Variants in COG5 observed in about 807,000 individuals in gnomAD.
The protein encoded by COG5 is component of oligomeric golgi complex 5.
COG5 carries 86 observed loss-of-function variants against 110.4 expected under a neutral mutation model. The observed-to-expected ratio is 0.78, with a 90% CI of 0.65 to 0.93. The LOEUF is 0.93. Ranked by LOEUF, COG5 falls within the 40% of genes least tolerant of loss-of-function variation. COG5 has a pLI of 0.00. For missense variants in COG5, 1,077 were observed against 987.0 expected (o/e 1.09, Z -1.22); for synonymous variants, 360 against 334.6 (o/e 1.08, Z -0.83).
chr7:107,336,562 T>C (rs759857855), intron 10 of COG5, among the ~76,000 whole-genome samples: 4 of 152,202 alleles, frequency 2.6e-5, no homozygotes, highest in Non-Finnish European at 5.9e-5. Context: ...AAATAAAATA[T>C]ATACTTAAGG....
intron 17 of COG5, among the ~76,000 whole-genome samples, chr7:107,240,339 C>G (rs1259148010): frequency 6.6e-6 from 1 of 152,136 alleles, no homozygotes; most frequent in East Asian, 1.9e-4. Context: ...ACTCAGCCTC[C>G]CCAGTAGCTT....
intron 13 of COG5, 124 bp downstream of exon 13, chr7:107,283,445 CTT>C: frequency 1.3e-6 from 1 of 782,872 alleles, no homozygotes; most frequent in South Asian, 1.8e-5. Context: ...CTATAAAATT[CTT>C]AATTTAATTG....
At chr7:107,274,040 C>G (rs1410022977) in intron 14 of COG5, among the ~76,000 whole-genome samples, 1 of 152,152 alleles carries the variant, frequency 6.6e-6, no homozygotes, top group Non-Finnish European at 1.5e-5. Flanking sequence ...ATGAATTTCT[C>G]TCTTCTTTGG....
At chr7:107,330,778 G>A (rs896820254) in intron 10 of COG5, among the ~76,000 whole-genome samples, 1 of 151,470 alleles carries the variant, frequency 6.6e-6, no homozygotes, top group Admixed American at 6.6e-5. Flanking sequence ...TATTTTCATG[G>A]GATTTATTTT....
At chr7:107,514,340 A>G (rs1418450811) in intron 6 of COG5, among the ~76,000 whole-genome samples, 2 of 116,916 alleles carry the variant, frequency 1.7e-5, no homozygotes, top group Non-Finnish European at 3.0e-5. Flanking sequence ...ACACACACAC[A>G]CACACACACA....
At chr7:107,507,286 C>CCTTTT (rs1287185120) in intron 6 of COG5, among the ~76,000 whole-genome samples, 8 of 148,002 alleles carry the variant, frequency 5.4e-5, no homozygotes, top group African/African-American at 2.0e-4. Context: ...AATAAAACTT[C>CCTTTT]CTTTTCTTTT....
intron 21 of COG5, chr7:107,208,738 G>A (rs10248340): frequency 6.1e-6 from 6 of 985,192 alleles, no homozygotes; most frequent in Admixed American, 6.1e-5. Flanking sequence ...AGCAGGGTCC[G>A]AGCTAATCTT....
At chr7:107,344,359 A>C (rs1203272735) in intron 10 of COG5, among the ~76,000 whole-genome samples, 1 of 152,228 alleles carries the variant, frequency 6.6e-6, no homozygotes, top group Non-Finnish European at 1.5e-5. Flanking sequence ...GCTAGCTTCC[A>C]ACAAGAAAAT....
At chr7:107,371,744 A>G (rs964547279) in intron 8 of COG5, among the ~76,000 whole-genome samples, 1 of 152,206 alleles carries the variant, frequency 6.6e-6, no homozygotes, top group Non-Finnish European at 1.5e-5. Context: ...ACTATATGTG[A>G]AGGGAAAGAG....
chr7:107,548,075 A>G (rs1230590806), intron 5 of COG5, 36 bp downstream of exon 5: 1 of 1,549,590 alleles, frequency 6.5e-7, no homozygotes, highest in South Asian at 1.1e-5. Flanking sequence ...AACAAAATGA[A>G]TAATAAAGTA....
chr7:107,338,948 C>T (rs1403307340), intron 10 of COG5, among the ~76,000 whole-genome samples: 2 of 152,084 alleles, frequency 1.3e-5, no homozygotes. Flanking sequence ...CCAACACATC[C>T]TACAAATCAT....
At chr7:107,213,378 T>A (rs1345276809) in intron 19 of COG5, among the ~76,000 whole-genome samples, 1 of 152,156 alleles carries the variant, frequency 6.6e-6, no homozygotes, top group Non-Finnish European at 1.5e-5. Context: ...CCACCTAGTG[T>A]CAGAGCCCAT....
intron 5 of COG5, among the ~76,000 whole-genome samples, chr7:107,530,492 T>C (rs1801117619): frequency 6.6e-6 from 1 of 150,710 alleles, no homozygotes; most frequent in South Asian, 2.1e-4. Flanking sequence ...TCCCAACTAC[T>C]TGGGAGGCTG....
At chr7:107,371,817 T>C (rs1235878566) in intron 8 of COG5, among the ~76,000 whole-genome samples, 1 of 152,194 alleles carries the variant, frequency 6.6e-6, no homozygotes, top group Non-Finnish European at 1.5e-5. Context: ...CAATACCTTG[T>C]AGTGATGGGA....
At chr7:107,443,339 G>A (rs962629284) in intron 6 of COG5, among the ~76,000 whole-genome samples, 1 of 152,130 alleles carries the variant, frequency 6.6e-6, no homozygotes, top group Non-Finnish European at 1.5e-5. Context: ...TAGAATATTA[G>A]TTGCCTAGGA....
intron 7 of COG5, among the ~76,000 whole-genome samples, chr7:107,402,681 A>G (rs1359630211): frequency 6.6e-6 from 1 of 152,240 alleles, no homozygotes; most frequent in African/African-American, 2.4e-5. Flanking sequence ...TATGGTGAGT[A>G]GAAAAGAGAG....
chr7:107,372,075 T>C (rs1814221006), intron 8 of COG5, among the ~76,000 whole-genome samples: 1 of 152,196 alleles, frequency 6.6e-6, no homozygotes, highest in Non-Finnish European at 1.5e-5. Flanking sequence ...TACTCCTCTC[T>C]ACCTTGAATT....
intron 19 of COG5, among the ~76,000 whole-genome samples, chr7:107,214,986 G>T (rs1799421498): frequency 6.6e-6 from 1 of 151,720 alleles, no homozygotes; most frequent in South Asian, 2.1e-4. Flanking sequence ...ATTACAAAAT[G>T]ATGTATATTT....
At chr7:107,393,328 T>G (rs746101300) in intron 7 of COG5, among the ~76,000 whole-genome samples, 4 of 152,198 alleles carry the variant, frequency 2.6e-5, no homozygotes, top group Non-Finnish European at 5.9e-5. Flanking sequence ...TGGTACTCTG[T>G]GCCCCTAGGT....
Sources: gnomAD v4.1 joint callset for allele counts (sites outside exome capture counted in the v4.1 genomes callset) on GRCh38, gnomAD v4.1.1 for gene constraint, MANE v1.5 for transcripts, NCBI Gene and HGNC (gene_info 2026-07-23, HGNC 2026-07-21) for gene names.